STON1: variants seen among roughly 807,000 people sequenced by gnomAD.
STON1 encodes the protein stonin 1, also known as stonin-1.
A neutral mutation model predicts 60.9 loss-of-function variants in STON1; 79 were observed. The observed-to-expected ratio is 1.30, with a 90% CI of 1.08 to 1.56. STON1 has a LOEUF of 1.56. Among genes scored for constraint, STON1 ranks in the 40% most tolerant of loss-of-function variants. The probability of loss-of-function intolerance (pLI) is 0.00; values close to 1 mark genes in which losing one functional copy is unlikely to be tolerated. For missense variants in STON1, 1,166 were observed against 858.9 expected (o/e 1.36, Z -4.47); for synonymous variants, 363 against 306.9 (o/e 1.18, Z -1.91).
intron 1 of STON1, among the ~76,000 whole-genome samples, chr2:48,575,159 G>C (rs772791360): frequency 2.0e-5 from 3 of 152,210 alleles, no homozygotes; most frequent in Admixed American, 6.5e-5. Flanking sequence ...ATAATGTGCT[G>C]AAGGTTAATC....
chr2:48,551,794 G>A (rs1275402723), intron 1 of STON1, among the ~76,000 whole-genome samples: 2 of 152,210 alleles, frequency 1.3e-5, no homozygotes, highest in African/African-American at 4.8e-5. Context: ...CTCAGCCTAT[G>A]CCAGGGCAGA....
intron 1 of STON1, among the ~76,000 whole-genome samples, chr2:48,564,464 CTTCTTCTTCTTCTTCTTTCTT>C (rs1672768615): frequency 5.4e-5 from 3 of 55,230 alleles, no homozygotes; most frequent in African/African-American, 2.1e-4. Context: ...TCTTCTTCTT[CTTCTTCTTCTTCTTCTTTCTT>C]CTTCTTCTTC....
At chr2:48,576,185 CTTTTTTTTTTTTTTT>C (rs34849002) in intron 1 of STON1, among the ~76,000 whole-genome samples, 5 of 63,062 alleles carry the variant, frequency 7.9e-5, no homozygotes, top group Admixed American at 2.8e-4. Context: ...GTTTTCCTTT[CTTTTTTTTTTTTTTT>C]TTTTTTTTTT....
rs988664184 is a variant in STON1, at chr2:48,597,478, A to G, written c.*2176A>G. 6.6e-6 allele frequency: 1 copy of G among 152,172 alleles called. No individual in the cohort carries two copies. Among genetic ancestry groups the G allele is most frequent in the Admixed American group, 6.5e-5 (1 of 15,272 alleles). 9.4% of individuals were successfully genotyped at this position (152,172 alleles called of 1,614,324 possible). A position where few individuals can be genotyped will look rare whatever the true frequency, so the allele number is the denominator to read the frequency against. On this transcript the variant is annotated 3_prime_UTR_variant, in exon 4 of 4. Coordinates refer to ENST00000404752, the MANE Select transcript of STON1 (RefSeq NM_006873.4). ...TAGGATGAACTTAATGACTATTTAC[A>G]CCTCAAAATATATTCAGCAAAGGGT...
chr2:48,559,154 T>C (rs758925492), intron 1 of STON1, among the ~76,000 whole-genome samples: 11 of 152,234 alleles, frequency 7.2e-5, no homozygotes, highest in Non-Finnish European at 1.3e-4. Context: ...CAAGAGCTTC[T>C]ATTTAACATC....
intron 3 of STON1, among the ~76,000 whole-genome samples, chr2:48,594,552 A>G (rs1674695020): frequency 6.6e-6 from 1 of 152,154 alleles, no homozygotes; most frequent in Non-Finnish European, 1.5e-5. Flanking sequence ...TAAACGAAAA[A>G]TAGTTAGTAG....
intron 1 of STON1, among the ~76,000 whole-genome samples, chr2:48,541,271 A>G (rs1465046981): frequency 6.6e-6 from 1 of 151,638 alleles, no homozygotes; most frequent in Non-Finnish European, 1.5e-5. Flanking sequence ...AGTCACTTGA[A>G]CCTAAGCTGG....
In STON1 at chr2:48,581,653, A is replaced by T. The variant is rs777656488; in HGVS notation, c.1020A>T (p.Val340=). ...LSEPKVENFS[V]AGKIHTVKIE... ...AACCCAAGGTTGAGAACTTCAGTGT[A>T]GCAGGAAAAATCCACACTGTGAAGA... is the stretch of plus-strand genomic sequence containing the variant. Residue 340 remains valine, a synonymous_variant, in exon 2 of 4, where the codon GTA becomes GTT. Transcript: ENST00000404752. 1 of 1,613,982 alleles carries T rather than the reference A, an allele frequency of 6.2e-7. No individual in the cohort carries two copies. Among genetic ancestry groups the T allele is most frequent in the Non-Finnish European group, 8.5e-7 (1 of 1,179,994 alleles).
intron 1 of STON1, among the ~76,000 whole-genome samples, chr2:48,554,522 CT>C (rs1203449012): frequency 6.6e-6 from 1 of 152,128 alleles, no homozygotes. Context: ...TGCGCCCGGC[CT>C]TTTGCTTCTT....
intron 2 of STON1, 152 bp from the exon 3 acceptor site, chr2:48,591,501 G>A: frequency 1.8e-6 from 2 of 1,126,058 alleles, no homozygotes; most frequent in Non-Finnish European, 2.4e-6. Flanking sequence ...CAAAATTGTA[G>A]ATTTTCATGG....
intron 2 of STON1, 83 bp from the exon 3 acceptor site, chr2:48,591,570 G>C: frequency 1.3e-6 from 2 of 1,532,732 alleles, no homozygotes; most frequent in Non-Finnish European, 1.8e-6. Flanking sequence ...TTATTAAGGA[G>C]AGAGATGAGT....
intron 1 of STON1, among the ~76,000 whole-genome samples, chr2:48,544,666 C>T (rs1209546040): frequency 1.3e-5 from 2 of 152,180 alleles, no homozygotes; most frequent in African/African-American, 4.8e-5. Context: ...CTGCTTCAGC[C>T]TCCCGAGTAG....
At chr2:48,573,933 T>A (rs1314560548) in intron 1 of STON1, among the ~76,000 whole-genome samples, 1 of 152,224 alleles carries the variant, frequency 6.6e-6, no homozygotes, top group Non-Finnish European at 1.5e-5. Flanking sequence ...AAGCCATATG[T>A]TGTATGATTC....
Position 48,597,715 on chromosome 2 carries a change from G to C in STON1, c.*2413G>C, listed in dbSNP as rs1674840636. ...AACAGCAGGGTGTTACAGCATAATT[G>C]TTAATTCGCACATCTATTAGGATCC... On this transcript the variant is annotated 3_prime_UTR_variant, in exon 4 of 4. Coordinates refer to ENST00000404752, the MANE Select transcript of STON1 (RefSeq NM_006873.4). 1 of 152,618 alleles carries C rather than the reference G, an allele frequency of 6.6e-6. No homozygotes were observed. The highest frequency in any genetic ancestry group is 1.5e-5 in the Non-Finnish European group (1 of 68,040). 9.5% of individuals were successfully genotyped at this position (152,618 alleles called of 1,614,324 possible). A position where few individuals can be genotyped will look rare whatever the true frequency, so the allele number is the denominator to read the frequency against.
At chr2:48,570,941 C>T (rs1434559293) in intron 1 of STON1, among the ~76,000 whole-genome samples, 1 of 142,542 alleles carries the variant, frequency 7.0e-6, no homozygotes, top group Non-Finnish European at 1.5e-5. Flanking sequence ...TGGCTCACTG[C>T]AACCTCCACC....
At chr2:48,564,470 CTTCTTCTTCTTTCTTCTT>C (rs1558604549) in intron 1 of STON1, among the ~76,000 whole-genome samples, 1 of 54,524 alleles carries the variant, frequency 1.8e-5, no homozygotes, top group African/African-American at 7.3e-5. Context: ...TCTTCTTCTT[CTTCTTCTTCTTTCTTCTT>C]CTTCTTCTTC....
chr2:48,544,200 G>T (rs1209882966), intron 1 of STON1, among the ~76,000 whole-genome samples: 1 of 152,010 alleles, frequency 6.6e-6, no homozygotes, highest in African/African-American at 2.4e-5. Flanking sequence ...GTGTGTGTGT[G>T]TCTGTCTGTC....
intron 1 of STON1, among the ~76,000 whole-genome samples, chr2:48,570,050 C>G (rs1444162216): frequency 6.6e-6 from 1 of 152,152 alleles, no homozygotes; most frequent in Non-Finnish European, 1.5e-5. Context: ...TACAAGAATT[C>G]CAGGCTGGGC....
intron 1 of STON1, among the ~76,000 whole-genome samples, chr2:48,541,418 T>A (rs989575299): frequency 3.3e-5 from 5 of 149,546 alleles, no homozygotes; most frequent in African/African-American, 7.4e-5. Flanking sequence ...GTGCAGTGGC[T>A]CACACCTGTA....
Sources: gnomAD v4.1 joint callset for allele counts (sites outside exome capture counted in the v4.1 genomes callset) on GRCh38, gnomAD v4.1.1 for gene constraint, MANE v1.5 for transcripts, NCBI Gene and HGNC (gene_info 2026-07-23, HGNC 2026-07-21) for gene names.